The following CCAR1 variants were observed in gnomAD, a reference collection of about 807,000 sequenced individuals.
The protein encoded by CCAR1 is cell division cycle and apoptosis regulator protein 1.
CCAR1 carries 78 observed loss-of-function variants against 163.8 expected under a neutral mutation model. The ratio of observed to expected loss-of-function variants is 0.48; its 90% CI spans 0.40 to 0.57. The LOEUF (loss-of-function observed/expected upper bound fraction) is 0.57. CCAR1 is among the 20% of genes least tolerant of loss of function. The pLI is 0.00. For missense variants in CCAR1, 1,019 were observed against 1,365.2 expected (o/e 0.75, Z 4.00); for synonymous variants, 443 against 460.7 (o/e 0.96, Z 0.49).
At chr10:68,729,274 GTT>G in intron 2 of CCAR1, among the ~76,000 whole-genome samples, 1 of 141,788 alleles carries the variant, frequency 7.1e-6, no homozygotes, top group African/African-American at 2.6e-5. Flanking sequence ...GGTTTTTTTG[GTT>G]TTTTTTTTTT....
At chr10:68,789,134 C>T (rs985451297) in intron 23 of CCAR1, among the ~76,000 whole-genome samples, 3 of 151,630 alleles carry the variant, frequency 2.0e-5, no homozygotes, top group African/African-American at 4.8e-5. Flanking sequence ...TGGTCTCGAT[C>T]TCCTGACCTC....
At chr10:68,737,070 T>C (rs1284837150) in intron 3 of CCAR1, 22 bp downstream of exon 3, 1 of 1,572,214 alleles carries the variant, frequency 6.4e-7, no homozygotes, top group Non-Finnish European at 8.7e-7. Flanking sequence ...ATATGTCTTA[T>C]TATTTGATGT....
rs763306419 is a variant in CCAR1 at position 68,756,514 on chromosome 10, C to G, written c.1836+31C>G. On this transcript the variant is annotated intron_variant, in intron 14 of 24. Coordinates refer to ENST00000265872, the MANE Select transcript of CCAR1 (RefSeq NM_018237.4). This position sits in a 1 kb window ranked among gnomAD's most constrained non-coding sequence, Gnocchi z 5.1. ...GAACGCTAATCCCTTTTTCTATTTC[C>G]GCTTCTCACAGGCACAGGAACACAG... 1 of 1,533,538 alleles carries G rather than the reference C, an allele frequency of 6.5e-7. No homozygotes were observed. Among genetic ancestry groups the G allele is most frequent in the Non-Finnish European group, 8.9e-7 (1 of 1,125,892 alleles). 95.0% of individuals were successfully genotyped at this position (1,533,538 alleles called of 1,614,324 possible).
intron 1 of CCAR1, chr10:68,721,727 C>G (rs917499489): frequency 9.2e-6 from 3 of 325,224 alleles, no homozygotes; most frequent in Admixed American, 4.0e-5. Context: ...GTGGGTTCCG[C>G]CTTCCGTCGC....
chr10:68,771,648 T>C (rs1266338760), intron 18 of CCAR1, among the ~76,000 whole-genome samples: 1 of 152,040 alleles, frequency 6.6e-6, no homozygotes, highest in Non-Finnish European at 1.5e-5. Context: ...CCTGACATGA[T>C]GGCACATGCC....
At chr10:68,767,593 G>A (rs748499613) in intron 17 of CCAR1, among the ~76,000 whole-genome samples, 1 of 152,144 alleles carries the variant, frequency 6.6e-6, no homozygotes, top group Non-Finnish European at 1.5e-5. Flanking sequence ...CACCCAGGCT[G>A]GAGTGCAGTG....
chr10:68,760,873 AAAAAAC>A (rs2056460546), intron 15 of CCAR1, 128 bp from the exon 16 acceptor site: 1 of 389,758 alleles, frequency 2.6e-6, no homozygotes, highest in Non-Finnish European at 4.1e-6. Context: ...CAAAAAAAAC[AAAAAAC>A]AAAAAAAAAA....
intron 6 of CCAR1, among the ~76,000 whole-genome samples, chr10:68,744,998 A>T (rs199938267): frequency 1.1e-5 from 1 of 91,854 alleles, no homozygotes; most frequent in Non-Finnish European, 2.4e-5. Context: ...ATTTAATTAA[A>T]TTAATTAATT....
chr10:68,765,836 AT>A (rs1589178740), intron 16 of CCAR1, 51 bp from the exon 17 acceptor site: 1 of 1,283,690 alleles, frequency 7.8e-7, no homozygotes, highest in Non-Finnish European at 1.1e-6. Flanking sequence ...TTGCACATGT[AT>A]ATACATCCTA....
chr10:68,726,028 G>C (rs924246693), intron 2 of CCAR1, among the ~76,000 whole-genome samples: 15 of 150,260 alleles, frequency 1.0e-4, no homozygotes, highest in African/African-American at 3.7e-4. Flanking sequence ...CGTGAAGATC[G>C]CTTAAACCTT....
intron 10 of CCAR1, among the ~76,000 whole-genome samples, chr10:68,751,173 A>G (rs926369762): frequency 6.6e-6 from 1 of 151,794 alleles, no homozygotes; most frequent in African/African-American, 2.4e-5. Context: ...GATTACAGGA[A>G]TGCGCCACCA....
chr10:68,788,291 G>A lies in CCAR1; in HGVS notation c.3150G>A (p.Glu1050=). 1 of 1,582,990 alleles carries A rather than the reference G, an allele frequency of 6.3e-7. No homozygotes were observed. The highest frequency in any genetic ancestry group is 8.5e-7 in the Non-Finnish European group (1 of 1,170,950). The stretch of plus-strand genomic sequence containing the variant: ...AAAAGAGCGAAAAAGTAAGAGCTGA[G>A]GTAGAACAGAAGCTGCAGTTACTAG... ...KLEKSEKVRA[E]VEQKLQLLEE... is the part of the protein sequence containing the mutation. Residue 1050 remains glutamate (E), a synonymous_variant, in exon 23 of 25, where the codon GAG becomes GAA. Coordinates refer to ENST00000265872, the MANE Select transcript of CCAR1 (RefSeq NM_018237.4).
intron 18 of CCAR1, 60 bp downstream of exon 18, chr10:68,771,505 A>T (rs1472012640): frequency 2.1e-6 from 3 of 1,403,760 alleles, no homozygotes; most frequent in African/African-American, 1.4e-5. Flanking sequence ...ATAAAGGTTG[A>T]TGTTGATTTC....
At chr10:68,758,496 C>A in intron 15 of CCAR1, among the ~76,000 whole-genome samples, 1 of 140,180 alleles carries the variant, frequency 7.1e-6, no homozygotes, top group African/African-American at 2.8e-5. Flanking sequence ...TTGAGACCAT[C>A]CTGGGCAGTG....
chr10:68,779,841 A>G (rs2056714085), intron 19 of CCAR1, among the ~76,000 whole-genome samples: 1 of 152,228 alleles, frequency 6.6e-6, no homozygotes, highest in South Asian at 2.1e-4. Flanking sequence ...TGCAGTTAAA[A>G]TTCTGTGCAC....
intron 16 of CCAR1, among the ~76,000 whole-genome samples, chr10:68,762,322 CTG>C (rs2056482981): frequency 1.2e-5 from 1 of 80,552 alleles, no homozygotes; most frequent in Non-Finnish European, 2.6e-5. Flanking sequence ...GAGTGAGACT[CTG>C]TCTAAAAAAA....
At chr10:68,759,129 A>G (rs2056437347) in intron 15 of CCAR1, among the ~76,000 whole-genome samples, 1 of 152,314 alleles carries the variant, frequency 6.6e-6, no homozygotes, top group African/African-American at 2.4e-5. Flanking sequence ...CCATAAAGTA[A>G]TAAGCCAGGC....
Position 68,787,923 on chromosome 10 carries a change from A to T in CCAR1, c.2881-4A>T, listed in dbSNP as rs1204246250. 2 of 1,595,798 alleles carry T rather than the reference A, an allele frequency of 1.3e-6. No individual in the cohort carries two copies. The highest frequency in any genetic ancestry group is 1.8e-5 in the Admixed American group (1 of 54,202). On this transcript the variant is annotated splice_region_variant and splice_polypyrimidine_tract_variant and intron_variant, in intron 21 of 24. Transcript: ENST00000265872. ...TGTATTTTGTTTACTTGCATGCATA[A>T]CAGGTAAAGAAGCTTCTTAATAAAG...
At chr10:68,774,351 T>C (rs1320485648) in intron 19 of CCAR1, among the ~76,000 whole-genome samples, 1 of 152,112 alleles carries the variant, frequency 6.6e-6, no homozygotes, top group Non-Finnish European at 1.5e-5. Flanking sequence ...AGAAAACTAA[T>C]TTGGGGCTGG....
Sources: allele counts gnomAD v4.1 joint callset (sites outside exome capture counted in the v4.1 genomes callset), GRCh38; gene constraint gnomAD v4.1.1; non-coding constraint Gnocchi (gnomAD v3.1); transcripts MANE v1.5; gene names NCBI Gene and HGNC (gene_info 2026-07-23, HGNC 2026-07-21).